Variants in RAPGEF4 observed in about 807,000 individuals in gnomAD.
The protein encoded by RAPGEF4 is Rap guanine nucleotide exchange factor 4, also known as RAP guanine-nucleotide-exchange factor (GEF) 4.
A neutral mutation model predicts 147.9 loss-of-function variants in RAPGEF4; 66 were observed. The observed-to-expected ratio is 0.45, with a 90% CI of 0.37 to 0.55. The LOEUF is 0.55. Ranked by LOEUF, RAPGEF4 falls within the 20% of genes least tolerant of loss-of-function variation. The pLI, the probability that RAPGEF4 is intolerant of heterozygous loss-of-function variation, is 0.00. For synonymous variants in RAPGEF4, 419 were observed against 442.7 expected, an observed-to-expected ratio of 0.95 and a Z score of 0.67; for missense variants, 1,071 against 1,257.3, an observed-to-expected ratio of 0.85 and a Z score of 2.24.
chr2:173,046,419 T>G (rs1382654861), intron 29 of RAPGEF4, among the ~76,000 whole-genome samples: 1 of 152,160 alleles, frequency 6.6e-6, no homozygotes, highest in African/African-American at 2.4e-5. Flanking sequence ...TACAAAATGG[T>G]ATAGGAAGAG....
intron 1 of RAPGEF4, among the ~76,000 whole-genome samples, chr2:172,743,176 A>G (rs138746402): frequency 6.6e-6 from 1 of 152,282 alleles, no homozygotes; most frequent in East Asian, 1.9e-4. Context: ...CAGTACTTTC[A>G]CGTCACAGAT....
rs188611980 is a variant in RAPGEF4, at chr2:173,036,093, G to C, written c.2701-32G>C. The C allele has an allele frequency of 7.8e-4, 1,177 of 1,500,034 alleles. 10 individuals are homozygous for C. In the African/African-American group the frequency reaches 0.015, roughly 19 times the overall value. 92.9% of individuals were successfully genotyped at this position (1,500,034 alleles called of 1,614,324 possible). On this transcript the variant is annotated intron_variant, in intron 27 of 30. Coordinates refer to ENST00000397081, the MANE Select transcript of RAPGEF4 (RefSeq NM_007023.4). ...ACAAAGGGTGGTGTATCTGTCACCAGTCATTACCATCATCTCTTTTTCTCT... is the reference window on the plus strand; with the variant it reads ...ACAAAGGGTGGTGTATCTGTCACCACTCATTACCATCATCTCTTTTTCTCT...
At chr2:172,958,444 G>A (rs1417405124) in intron 6 of RAPGEF4, among the ~76,000 whole-genome samples, 7 of 152,194 alleles carry the variant, frequency 4.6e-5, no homozygotes, top group African/African-American at 1.4e-4. Flanking sequence ...ATGGTCTCAC[G>A]TGTTTGAACA....
chr2:172,763,852 T>A (rs4972854), intron 1 of RAPGEF4, among the ~76,000 whole-genome samples: 133,805 of 152,186 alleles, frequency 0.88, 60,778 homozygotes, highest in Non-Finnish European at 0.99. Flanking sequence ...GTTACAAAAT[T>A]GTAAATGTAT....
intron 6 of RAPGEF4, among the ~76,000 whole-genome samples, chr2:172,934,495 C>T (rs1686335648): frequency 6.6e-6 from 1 of 152,128 alleles, no homozygotes; most frequent in Non-Finnish European, 1.5e-5. Flanking sequence ...TAAGTTTCTA[C>T]TGTGTGCCAT....
At chr2:172,946,813 G>A (rs554396892) in intron 6 of RAPGEF4, among the ~76,000 whole-genome samples, 7 of 152,282 alleles carry the variant, frequency 4.6e-5, no homozygotes, top group South Asian at 2.1e-4. Flanking sequence ...GCCAACAGAG[G>A]AGGCATGGGC....
intron 14 of RAPGEF4, among the ~76,000 whole-genome samples, chr2:172,990,521 A>G (rs930145630): frequency 2.6e-5 from 4 of 152,166 alleles, no homozygotes; most frequent in African/African-American, 9.7e-5. Context: ...TTTGCTCCCC[A>G]CCTTCCTGCT....
chr2:172,773,648 C>A (rs542411272), intron 1 of RAPGEF4, among the ~76,000 whole-genome samples: 31 of 151,882 alleles, frequency 2.0e-4, no homozygotes, highest in Non-Finnish European at 3.1e-4. Flanking sequence ...CACACTGCCC[C>A]CCCCGCGGAC....
At chr2:172,745,047 A>C (rs1694647710) in intron 1 of RAPGEF4, among the ~76,000 whole-genome samples, 1 of 152,118 alleles carries the variant, frequency 6.6e-6, no homozygotes, top group Admixed American at 6.5e-5. Flanking sequence ...TTCATGAGGG[A>C]TATTAGCCTA....
intron 4 of RAPGEF4, among the ~76,000 whole-genome samples, chr2:172,835,851 A>AAGATTGAG (rs1220846543): frequency 6.6e-6 from 1 of 152,200 alleles, no homozygotes; most frequent in Admixed American, 6.5e-5. Flanking sequence ...GTGGCAAGGG[A>AAGATTGAG]AGATTGAGAT....
At chr2:172,757,605 C>T (rs1205154366) in intron 1 of RAPGEF4, among the ~76,000 whole-genome samples, 1 of 152,150 alleles carries the variant, frequency 6.6e-6, no homozygotes, top group Non-Finnish European at 1.5e-5. Context: ...TTTATTGGAG[C>T]TGTATGTATA....
chr2:173,036,985 A>G (rs900685952), intron 29 of RAPGEF4, among the ~76,000 whole-genome samples: 3 of 152,110 alleles, frequency 2.0e-5, no homozygotes, highest in Non-Finnish European at 2.9e-5. Flanking sequence ...AGTGACTTCC[A>G]TGTTGTTGTT....
intron 4 of RAPGEF4, among the ~76,000 whole-genome samples, chr2:172,856,223 A>G (rs1693401287): frequency 6.6e-6 from 1 of 151,744 alleles, no homozygotes; most frequent in Admixed American, 6.6e-5. Flanking sequence ...TTTTATTATT[A>G]TTTTTCCAAT....
intron 4 of RAPGEF4, among the ~76,000 whole-genome samples, chr2:172,827,517 A>C (rs778401640): frequency 1.3e-5 from 2 of 151,930 alleles, no homozygotes; most frequent in African/African-American, 2.4e-5. Flanking sequence ...CCATCCCACC[A>C]TTCTCAGTGA....
intron 14 of RAPGEF4, among the ~76,000 whole-genome samples, chr2:172,989,393 G>A (rs1692598682): frequency 6.8e-6 from 1 of 146,308 alleles, no homozygotes; most frequent in Admixed American, 6.9e-5. Context: ...ATTTTCAAGG[G>A]CTTTATCTCA....
At chr2:173,037,734 T>C (rs989521394) in intron 29 of RAPGEF4, among the ~76,000 whole-genome samples, 1 of 152,132 alleles carries the variant, frequency 6.6e-6, no homozygotes, top group Non-Finnish European at 1.5e-5. Flanking sequence ...ACCTGGAGTC[T>C]GGGAGACATG....
intron 1 of RAPGEF4, among the ~76,000 whole-genome samples, chr2:172,748,080 C>T (rs1437483546): frequency 6.6e-6 from 1 of 152,108 alleles, no homozygotes; most frequent in African/African-American, 2.4e-5. Flanking sequence ...AATCTGTCAA[C>T]AGACATTTAG....
At chr2:172,735,795 T>G, upstream of RAPGEF4, 1 of 259,182 alleles carries the variant, frequency 3.9e-6, no homozygotes, top group Non-Finnish European at 6.8e-6. Flanking sequence ...GCCCCCCGGG[T>G]CCCCTCCCTC....
intron 4 of RAPGEF4, among the ~76,000 whole-genome samples, chr2:172,848,234 A>G (rs1284104245): frequency 6.6e-6 from 1 of 152,176 alleles, no homozygotes; most frequent in African/African-American, 2.4e-5. Context: ...GTGTCCAATG[A>G]CAGTGCAGTG....
Sources: allele counts gnomAD v4.1 joint callset (sites outside exome capture counted in the v4.1 genomes callset), GRCh38; gene constraint gnomAD v4.1.1; transcripts MANE v1.5; gene names NCBI Gene and HGNC (gene_info 2026-07-23, HGNC 2026-07-21).